NEXMIF: variants seen among roughly 807,000 people sequenced by gnomAD.
The protein encoded by NEXMIF is XLMR protein related to neurite extension.
In NEXMIF, 8 loss-of-function variants were observed where a neutral mutation model predicts 62.1. The ratio of observed to expected loss-of-function variants is 0.13; its 90% confidence interval spans 0.08 to 0.23. The LOEUF (loss-of-function observed/expected upper bound fraction) is 0.23, where lower values mean the gene tolerates loss of function less well. Ranked by LOEUF, NEXMIF falls within the 10% of genes least tolerant of loss-of-function variation. NEXMIF has a pLI of 1.00. For missense variants in NEXMIF, 976 were observed against 1,113.3 expected (o/e 0.88, Z 1.75); for synonymous variants, 404 against 416.6 (o/e 0.97, Z 0.37).
At chrX:74,786,125 T>C (rs1189230232) in intron 1 of NEXMIF, among the ~76,000 whole-genome samples, 4 of 112,016 alleles carry the variant, frequency 3.6e-5, no homozygotes, top group African/African-American at 1.3e-4. Context: ...GATTTTCCAC[T>C]GAGCGAGGGA....
At chrX:74,827,893 G>A (rs1331981117) in intron 1 of NEXMIF, among the ~76,000 whole-genome samples, 1 of 112,157 alleles carries the variant, frequency 8.9e-6, no homozygotes, top group Non-Finnish European at 1.9e-5. Flanking sequence ...TGATTCCCAA[G>A]ATATTTTTGT....
At chrX:74,788,791 C>T (rs1309429051) in intron 1 of NEXMIF, among the ~76,000 whole-genome samples, 1 of 109,894 alleles carries the variant, frequency 9.1e-6, no homozygotes, top group Admixed American at 9.7e-5. Flanking sequence ...TAGAATATCC[C>T]TTTGCCAAGA....
chrX:74,879,800 A>G (rs1471665376), intron 1 of NEXMIF, among the ~76,000 whole-genome samples: 2 of 112,271 alleles, frequency 1.8e-5, no homozygotes, highest in African/African-American at 6.5e-5. Flanking sequence ...ATGACTTTCC[A>G]TAGTCTGTTG....
intron 1 of NEXMIF, among the ~76,000 whole-genome samples, chrX:74,831,277 T>G (rs984547353): frequency 9.1e-6 from 1 of 110,479 alleles, no homozygotes; most frequent in African/African-American, 3.3e-5. Flanking sequence ...TGTGCCATGT[T>G]GGTGTGCTGT....
intron 1 of NEXMIF, among the ~76,000 whole-genome samples, chrX:74,822,079 T>A (rs2080399080): frequency 9.0e-6 from 1 of 111,676 alleles, no homozygotes; most frequent in Non-Finnish European, 1.9e-5. Context: ...CCAAGATCAT[T>A]CAATGAGGGA....
intron 1 of NEXMIF, among the ~76,000 whole-genome samples, chrX:74,857,140 A>C (rs1335659172): frequency 8.9e-6 from 1 of 111,909 alleles, no homozygotes; most frequent in African/African-American, 3.3e-5. Context: ...CTGGGCTTAG[A>C]GCTAGTGGGC....
At chrX:74,834,986 T>C (rs1274254038) in intron 1 of NEXMIF, among the ~76,000 whole-genome samples, 1 of 111,864 alleles carries the variant, frequency 8.9e-6, no homozygotes, top group East Asian at 2.8e-4. Context: ...GTGTGCTTCA[T>C]TGTTTTTCAT....
At chrX:74,820,880 G>A (rs1378694858) in intron 1 of NEXMIF, among the ~76,000 whole-genome samples, 2 of 110,928 alleles carry the variant, frequency 1.8e-5, no homozygotes, top group South Asian at 3.8e-4. Flanking sequence ...GAGGGTGGAA[G>A]GAGGGTGAAC....
At position 74,739,580 on chromosome X, in the gene NEXMIF, T is replaced by C. The variant is rs942474771; in HGVS notation, c.4458-82A>G. Reference sequence around the variant, plus strand: ...AAAGGGATCATACAAGCTAAATTTGTTAACATCATACTAGATGCCGTATGA... The same window carrying C: ...AAAGGGATCATACAAGCTAAATTTGCTAACATCATACTAGATGCCGTATGA... On this transcript the variant is annotated intron_variant, in intron 3 of 3. Coordinates refer to ENST00000055682, the MANE Select transcript of NEXMIF (RefSeq NM_001008537.3). The C allele has an allele frequency of 2.6e-5, 15 of 571,542 alleles. 1 individual carries two copies. The Middle Eastern group carries it at 4.0e-3, about 152-fold the overall frequency. 47.1% of individuals were successfully genotyped at this position (571,542 alleles called of 1,213,427 possible).
chrX:74,812,390 CTT>C (rs1569348004), intron 1 of NEXMIF, among the ~76,000 whole-genome samples: 1 of 111,943 alleles, frequency 8.9e-6, no homozygotes, highest in Non-Finnish European at 1.9e-5. Flanking sequence ...AAATAAACTT[CTT>C]TGTTAGTTCC....
chrX:74,921,618 C>G (rs774119098), intron 1 of NEXMIF, among the ~76,000 whole-genome samples: 16 of 111,112 alleles, frequency 1.4e-4, no homozygotes, highest in African/African-American at 5.2e-4. Flanking sequence ...GAGAACGTAA[C>G]AAGTGCTTTG....
In NEXMIF at chrX:74,742,876, C is replaced by T; in HGVS notation, c.1681G>A (p.Val561Met). 8.3e-7 allele frequency: 1 copy of T among 1,211,515 alleles called. No individual in the cohort carries two copies. Among genetic ancestry groups the T allele is most frequent in the Non-Finnish European group, 1.1e-6 (1 of 895,450 alleles). Residue 561 changes from valine to methionine, a missense_variant, in exon 3 of 4, where the codon GTG (valine) becomes ATG (methionine). By Grantham distance (21) the Val-to-Met change is conservative (BLOSUM62 1). Coordinates refer to ENST00000055682, the MANE Select transcript of NEXMIF (RefSeq NM_001008537.3). ...TTCACTGTTGTCTCACTGGCATCCACCTTACCCAACTTCACCAGCATGTTC... is the reference window on the plus strand; with the variant it reads ...TTCACTGTTGTCTCACTGGCATCCATCTTACCCAACTTCACCAGCATGTTC... ...EKNMLVKLGK[V>M]DASETTVNLS...
intron 1 of NEXMIF, among the ~76,000 whole-genome samples, chrX:74,918,203 G>A (rs1023630025): frequency 7.2e-5 from 8 of 111,777 alleles, no homozygotes; most frequent in African/African-American, 2.6e-4. Flanking sequence ...TCCTGAAAAT[G>A]TATGCAAGTG....
At chrX:74,771,920 C>T (rs1425201613) in intron 1 of NEXMIF, among the ~76,000 whole-genome samples, 1 of 111,491 alleles carries the variant, frequency 9.0e-6, no homozygotes, top group Non-Finnish European at 1.9e-5. Context: ...CTCTTCACCA[C>T]TCAGAGTACC....
intron 1 of NEXMIF, among the ~76,000 whole-genome samples, chrX:74,837,121 C>T (rs1255030989): frequency 9.4e-6 from 1 of 106,377 alleles, no homozygotes; most frequent in Non-Finnish European, 1.9e-5. Context: ...ACTTCACTCT[C>T]CCTCCTGAAA....
intron 1 of NEXMIF, among the ~76,000 whole-genome samples, chrX:74,881,890 A>G (rs1418339066): frequency 8.9e-6 from 1 of 111,801 alleles, no homozygotes; most frequent in Admixed American, 9.5e-5. Context: ...GCAACAGGAA[A>G]GGGCCTCTGC....
rs187037062 is a variant in NEXMIF, at chrX:74,858,790, C to T, written c.-48+66093G>A. On this transcript the variant is annotated intron_variant, in intron 1 of 3. Transcript: ENST00000055682. ...GATAACACAAAGAAGAAATTCAGCA[C>T]TCTATCAGATAAGATTAACAAAGAG... Among the ~76,000 whole-genome samples, 359 of 109,826 alleles carry T rather than the reference C, an allele frequency of 3.3e-3. 2 individuals carry two copies. Among genetic ancestry groups the T allele is most frequent in the African/African-American group, 0.011 (343 of 30,259 alleles).
At chrX:74,911,852 C>T (rs1446291926) in intron 1 of NEXMIF, among the ~76,000 whole-genome samples, 1 of 112,101 alleles carries the variant, frequency 8.9e-6, no homozygotes, top group Non-Finnish European at 1.9e-5. Context: ...GGTCATGTGA[C>T]CTGTATACTA....
chrX:74,750,523 C>T (rs1218459689), intron 1 of NEXMIF, among the ~76,000 whole-genome samples: 1 of 111,877 alleles, frequency 8.9e-6, no homozygotes, highest in Non-Finnish European at 1.9e-5. Flanking sequence ...GGGTTAGGGA[C>T]TGTAATGAAG....
Sources: allele counts gnomAD v4.1 joint callset (sites outside exome capture counted in the v4.1 genomes callset), GRCh38; gene constraint gnomAD v4.1.1; transcripts MANE v1.5; gene names NCBI Gene and HGNC (gene_info 2026-07-23, HGNC 2026-07-21).